RIMBP2: variants seen among roughly 807,000 people sequenced by gnomAD.
RIMBP2 encodes the protein RIMS-binding protein 2.
In RIMBP2, 48 loss-of-function variants were observed where a neutral mutation model predicts 118.6. That is an observed-to-expected ratio of 0.40 (90% CI 0.32 to 0.51). The LOEUF (loss-of-function observed/expected upper bound fraction) is 0.51. RIMBP2 is among the 20% of genes least tolerant of loss of function. The probability of loss-of-function intolerance (pLI) is 0.41; values close to 1 mark genes in which losing one functional copy is unlikely to be tolerated. For synonymous variants in RIMBP2, 762 were observed against 742.9 expected (o/e 1.03, Z -0.42); for missense variants, 1,551 against 1,768.3 (o/e 0.88, Z 2.20).
chr12:130,490,617 G>GT (rs1480662226), intron 4 of RIMBP2, among the ~76,000 whole-genome samples: 2 of 152,148 alleles, frequency 1.3e-5, no homozygotes, highest in Non-Finnish European at 2.9e-5. Context: ...GGCAGGTTCG[G>GT]TAAGTTCCAG....
At position 130,450,192 on chromosome 12, in the gene RIMBP2, G is replaced by A. The variant is rs757009914; in HGVS notation, c.581+8C>T. The A allele has an allele frequency of 1.8e-5, 28 of 1,594,042 alleles. 1 individual carries two copies. In the Admixed American group the frequency reaches 2.7e-4, roughly 15 times the overall value. On this transcript the variant is annotated splice_region_variant and intron_variant, in intron 9 of 22. Coordinates refer to ENST00000690449, the MANE Select transcript of RIMBP2 (RefSeq NM_001393629.1). The surrounding 1 kb of genome is among the most constrained non-coding windows in gnomAD (Gnocchi z 4.8). ...GGGGCTCGGTGGACGCCGAGGGGCC[G>A]CACTTACCTATAGCGGGCAACACAG...
chr12:130,449,857 G>T (rs1245990466), intron 9 of RIMBP2, among the ~76,000 whole-genome samples: 1 of 152,014 alleles, frequency 6.6e-6, no homozygotes, highest in African/African-American at 2.4e-5. Context: ...CTGGTCTCCC[G>T]GCAGCCAGAA....
intron 1 of RIMBP2, among the ~76,000 whole-genome samples, chr12:130,649,998 G>C (rs1186046040): frequency 6.6e-6 from 1 of 151,906 alleles, no homozygotes; most frequent in African/African-American, 2.4e-5. Context: ...TCTCAGAGAT[G>C]AGGGAGGTGC....
At chr12:130,587,635 C>T (rs1408846088) in intron 2 of RIMBP2, among the ~76,000 whole-genome samples, 4 of 90,456 alleles carry the variant, frequency 4.4e-5, no homozygotes, top group Non-Finnish European at 8.3e-5. Context: ...ACAATGAGAT[C>T]ACATGGACAC....
intron 4 of RIMBP2, among the ~76,000 whole-genome samples, chr12:130,493,128 C>T (rs758379872): frequency 5.9e-5 from 9 of 151,800 alleles, no homozygotes; most frequent in Admixed American, 2.0e-4. Flanking sequence ...AGAGTGAGAT[C>T]GTAGCTCAAA....
intron 13 of RIMBP2, among the ~76,000 whole-genome samples, chr12:130,436,548 C>T (rs550211434): frequency 6.6e-6 from 1 of 152,204 alleles, no homozygotes; most frequent in African/African-American, 2.4e-5. Context: ...CTCTCAGACC[C>T]CTTGTCGCAC....
At chr12:130,695,083 G>A (rs936321813) in intron 1 of RIMBP2, among the ~76,000 whole-genome samples, 5 of 152,184 alleles carry the variant, frequency 3.3e-5, no homozygotes, top group African/African-American at 4.8e-5. Context: ...TGGAGCACCT[G>A]TTCACTACAG....
At chr12:130,438,911 C>G (rs931324618) in intron 11 of RIMBP2, among the ~76,000 whole-genome samples, 1 of 152,116 alleles carries the variant, frequency 6.6e-6, no homozygotes, top group African/African-American at 2.4e-5. Flanking sequence ...GAGACGCCGG[C>G]GTTTGGCAGA....
intron 2 of RIMBP2, among the ~76,000 whole-genome samples, chr12:130,567,789 G>A (rs553890492): frequency 6.6e-6 from 1 of 152,284 alleles, no homozygotes; most frequent in Non-Finnish European, 1.5e-5. Flanking sequence ...CAGCCTTGCA[G>A]GGGGAGCCAC....
At chr12:130,628,617 T>A (rs1439746835) in intron 1 of RIMBP2, among the ~76,000 whole-genome samples, 161 bp from the exon 2 acceptor site, 1 of 152,196 alleles carries the variant, frequency 6.6e-6, no homozygotes, top group Admixed American at 6.5e-5. Flanking sequence ...GAGGGACAGA[T>A]TTGAAACTGA....
intron 1 of RIMBP2, among the ~76,000 whole-genome samples, chr12:130,656,704 T>C (rs145324087): frequency 0.017 from 2,517 of 152,212 alleles, 69 homozygotes; most frequent in African/African-American, 0.057. Flanking sequence ...CTTTCTAAAA[T>C]TTTTATGTTA....
intron 1 of RIMBP2, chr12:130,668,980 T>C (rs4759751): frequency 0.25 from 37,702 of 152,224 alleles, 4,940 homozygotes; most frequent in East Asian, 0.32. Context: ...GAGCCATGTA[T>C]GAACTTAAAC....
At chr12:130,582,155 C>T (rs536602079) in intron 2 of RIMBP2, among the ~76,000 whole-genome samples, 1 of 152,340 alleles carries the variant, frequency 6.6e-6, no homozygotes, top group East Asian at 1.9e-4. Context: ...CCATAGCACT[C>T]CCTACCTTTG....
intron 1 of RIMBP2, among the ~76,000 whole-genome samples, chr12:130,661,114 G>A (rs189782384): frequency 5.9e-5 from 9 of 152,276 alleles, no homozygotes; most frequent in East Asian, 1.9e-4. Flanking sequence ...AATAACTGCC[G>A]CGGTGGACAG....
intron 2 of RIMBP2, among the ~76,000 whole-genome samples, chr12:130,553,692 C>A (rs2056061335): frequency 6.6e-6 from 1 of 152,114 alleles, no homozygotes; most frequent in Admixed American, 6.5e-5. Context: ...TACAGTGAGT[C>A]CTGATTGTGC....
chr12:130,495,718 C>T (rs946235022), intron 4 of RIMBP2, among the ~76,000 whole-genome samples: 4 of 152,166 alleles, frequency 2.6e-5, no homozygotes, highest in Non-Finnish European at 4.4e-5. Context: ...AAATTGCTCA[C>T]GGTATTAGCA....
intron 2 of RIMBP2, among the ~76,000 whole-genome samples, chr12:130,610,449 T>C (rs2060455241): frequency 6.6e-6 from 1 of 151,840 alleles, no homozygotes; most frequent in Non-Finnish European, 1.5e-5. Context: ...AACACTTATC[T>C]CTTTGATAAA....
intron 19 of RIMBP2, among the ~76,000 whole-genome samples, chr12:130,408,697 T>A (rs906931520): frequency 6.6e-6 from 1 of 152,222 alleles, no homozygotes; most frequent in Non-Finnish European, 1.5e-5. Context: ...GGTGGGGCTG[T>A]GAAGGACTTT....
chr12:130,400,616 A>G lies in RIMBP2; in HGVS notation c.3766-803T>C, dbSNP rs117618206. ...CACGGAATCCTGTTTCTCTGTTTATATGGTCTAGGAAATGACATAAAGAGC... is the reference window on the plus strand; with the variant it reads ...CACGGAATCCTGTTTCTCTGTTTATGTGGTCTAGGAAATGACATAAAGAGC... On this transcript the variant is annotated intron_variant, in intron 21 of 22. Coordinates refer to ENST00000690449, the MANE Select transcript of RIMBP2 (RefSeq NM_001393629.1). 3.7e-3 allele frequency among the ~76,000 whole-genome samples: 557 copies of G among 152,298 alleles called. 3 individuals carry two copies. The highest frequency in any genetic ancestry group is 6.3e-3 in the Non-Finnish European group (427 of 68,028).
Sources: gnomAD v4.1 joint callset for allele counts (sites outside exome capture counted in the v4.1 genomes callset) on GRCh38, gnomAD v4.1.1 for gene constraint, Gnocchi (gnomAD v3.1) non-coding constraint, MANE v1.5 for transcripts, NCBI Gene and HGNC (gene_info 2026-07-23, HGNC 2026-07-21) for gene names.